The following DPP10 variants were observed in gnomAD, a reference collection of about 807,000 sequenced individuals.
DPP10 encodes inactive dipeptidyl peptidase 10.
Under a neutral mutation model 120.9 loss-of-function variants are expected in DPP10, and 33 were observed. That is an observed-to-expected ratio of 0.27 (90% CI 0.21 to 0.37). The LOEUF (loss-of-function observed/expected upper bound fraction) is 0.37. Ranked by LOEUF, DPP10 falls within the 10% of genes least tolerant of loss-of-function variation. DPP10 has a pLI of 1.00. For missense variants in DPP10, 816 were observed against 942.8 expected, an observed-to-expected ratio of 0.87 and a Z score of 1.76; for synonymous variants, 337 against 326.1, an observed-to-expected ratio of 1.03 and a Z score of -0.36.
At position 115,815,606 on chromosome 2, in the gene DPP10, G is replaced by A. The variant is rs1687136949; in HGVS notation, c.1896-69G>A. The A allele has an allele frequency of 8.7e-6, 12 of 1,372,392 alleles. No homozygotes were observed. The South Asian group carries it at 1.5e-4, about 17-fold the overall frequency. The allele number at this position is 1,372,392 out of a possible 1,614,324, so 85.0% of individuals were successfully genotyped here. On this transcript the variant is annotated intron_variant, in intron 20 of 25. Coordinates refer to ENST00000410059, the MANE Select transcript of DPP10 (RefSeq NM_020868.6). ...TAGCTATTGTTTTGTATGTATGCAT[G>A]CCAACTATATATTTATATTTGCATT...
intron 1 of DPP10, among the ~76,000 whole-genome samples, chr2:114,905,931 C>T (rs1322233164): frequency 6.6e-6 from 1 of 152,102 alleles, no homozygotes; most frequent in Non-Finnish European, 1.5e-5. Context: ...GTTATAATAA[C>T]TTTCATTTTA....
At chr2:115,627,337 A>T (rs7590246) in intron 5 of DPP10, among the ~76,000 whole-genome samples, 20,588 of 151,986 alleles carry the variant, frequency 0.14, 2,124 homozygotes, top group African/African-American at 0.29. Context: ...CATATGGCAT[A>T]CATATATATA....
intron 5 of DPP10, among the ~76,000 whole-genome samples, chr2:115,570,078 T>C (rs1424690161): frequency 6.6e-6 from 1 of 152,222 alleles, no homozygotes; most frequent in African/African-American, 2.4e-5. Flanking sequence ...CTAGGAAACA[T>C]ACTTTTTCTG....
intron 1 of DPP10, among the ~76,000 whole-genome samples, chr2:115,010,527 T>C (rs931390558): frequency 2.0e-5 from 3 of 152,104 alleles, no homozygotes; most frequent in Non-Finnish European, 2.9e-5. Flanking sequence ...AAAGGTCAAA[T>C]TGAGATATAT....
intron 5 of DPP10, among the ~76,000 whole-genome samples, chr2:115,567,676 A>G (rs1207335050): frequency 6.6e-6 from 1 of 152,058 alleles, no homozygotes; most frequent in Admixed American, 6.6e-5. Context: ...CCTTGTTTAT[A>G]TTTTTGAAGT....
intron 5 of DPP10, among the ~76,000 whole-genome samples, chr2:115,538,461 A>G (rs2148952914): frequency 6.6e-6 from 1 of 152,118 alleles, no homozygotes; most frequent in Non-Finnish European, 1.5e-5. Flanking sequence ...TACTTATCAT[A>G]GTTTTGAATG....
chr2:115,325,871 A>C (rs2062332382), intron 2 of DPP10, among the ~76,000 whole-genome samples: 1 of 152,130 alleles, frequency 6.6e-6, no homozygotes, highest in Admixed American at 6.6e-5. Flanking sequence ...TATATGCAGA[A>C]ATTCTGACCT....
intron 5 of DPP10, among the ~76,000 whole-genome samples, chr2:115,534,872 G>A (rs921725535): frequency 1.3e-5 from 2 of 152,062 alleles, no homozygotes; most frequent in African/African-American, 4.8e-5. Context: ...GTGATGGTGA[G>A]CGTTTTTTCA....
At chr2:115,201,116 A>G (rs1412674070) in intron 1 of DPP10, among the ~76,000 whole-genome samples, 1 of 152,136 alleles carries the variant, frequency 6.6e-6, no homozygotes, top group Non-Finnish European at 1.5e-5. Context: ...AAAACAAGCT[A>G]CTCTGAAAGC....
intron 3 of DPP10, among the ~76,000 whole-genome samples, chr2:115,386,799 C>A (rs2066968919): frequency 6.6e-6 from 1 of 151,628 alleles, no homozygotes; most frequent in African/African-American, 2.4e-5. Context: ...GCCAAAGTGG[C>A]ATATTTCGGG....
rs146915685 is a variant in DPP10 at position 114,569,818 on chromosome 2, TCACA to T, written c.60+126992_60+126995del. Among the ~76,000 whole-genome samples the T allele has an allele frequency of 1.5e-4, 22 of 151,136 alleles. No homozygotes were observed. The East Asian group carries it at 4.1e-3, about 28-fold the overall frequency. On this transcript the variant is annotated intron_variant, in intron 1 of 25. Transcript: ENST00000410059. ...TTTAAACTAGAGTGATAAATCACAC[TCACA>T]CACACACACACGTGTGCACGCCTAT... is the stretch of plus-strand genomic sequence containing the variant.
At chr2:115,307,477 G>A (rs1357515382) in intron 1 of DPP10, among the ~76,000 whole-genome samples, 1 of 152,060 alleles carries the variant, frequency 6.6e-6, no homozygotes, top group Non-Finnish European at 1.5e-5. Flanking sequence ...ATATGTGCTT[G>A]CTTCTGTTAG....
intron 1 of DPP10, among the ~76,000 whole-genome samples, chr2:114,873,787 T>A (rs918334892): frequency 6.6e-6 from 1 of 152,144 alleles, no homozygotes; most frequent in Admixed American, 6.6e-5. Context: ...TGTGAGGAGA[T>A]GGACACAGAG....
At chr2:115,067,401 G>A (rs1419718151) in intron 1 of DPP10, among the ~76,000 whole-genome samples, 5 of 151,174 alleles carry the variant, frequency 3.3e-5, no homozygotes, top group African/African-American at 7.3e-5. Context: ...ACAGGCGCCC[G>A]CCACCACGCC....
At chr2:115,075,759 A>G in intron 1 of DPP10, among the ~76,000 whole-genome samples, 1 of 151,274 alleles carries the variant, frequency 6.6e-6, no homozygotes, top group Non-Finnish European at 1.5e-5. Context: ...ATGAGAAAAC[A>G]CCTGCTTTTT....
At chr2:115,187,984 C>T (rs552657084) in intron 1 of DPP10, among the ~76,000 whole-genome samples, 2 of 151,724 alleles carry the variant, frequency 1.3e-5, no homozygotes, top group African/African-American at 4.8e-5. Context: ...AGTGCCACTG[C>T]ACTGAAGCCT....
chr2:115,779,356 A>T (rs1336281581), intron 15 of DPP10, among the ~76,000 whole-genome samples: 2 of 152,068 alleles, frequency 1.3e-5, no homozygotes, highest in African/African-American at 4.8e-5. Context: ...CTGTAAGATA[A>T]TGTTAGTGTT....
chr2:114,713,517 A>G (rs1701160509), intron 1 of DPP10, among the ~76,000 whole-genome samples: 2 of 152,170 alleles, frequency 1.3e-5, no homozygotes, highest in Admixed American at 6.5e-5. Context: ...ACTAATTTTC[A>G]GGTTATATTT....
intron 1 of DPP10, among the ~76,000 whole-genome samples, chr2:114,662,347 T>G (rs1163965901): frequency 6.6e-6 from 1 of 152,214 alleles, no homozygotes; most frequent in African/African-American, 2.4e-5. Context: ...CGGGCACCGC[T>G]GCGCGGGGAG....
Sources: gnomAD v4.1 joint callset for allele counts (sites outside exome capture counted in the v4.1 genomes callset) on GRCh38, gnomAD v4.1.1 for gene constraint, MANE v1.5 for transcripts, NCBI Gene and HGNC (gene_info 2026-07-23, HGNC 2026-07-21) for gene names.